CSMD1: variants seen among roughly 807,000 people sequenced by gnomAD.
The protein encoded by CSMD1 is CUB and Sushi multiple domains 1, also known as CUB and sushi domain-containing protein 1.
In CSMD1, 213 loss-of-function variants were observed where a neutral mutation model predicts 417.5. That is an observed-to-expected ratio of 0.51 (90% CI 0.46 to 0.57). The LOEUF (loss-of-function observed/expected upper bound fraction) is 0.57, where lower values mean the gene tolerates loss of function less well. Ranked by LOEUF, CSMD1 falls within the 20% of genes least tolerant of loss-of-function variation. The pLI is 0.00. For synonymous variants in CSMD1, 2,862 were observed against 1,736.8 expected (o/e 1.65, Z -16.11); for missense variants, 6,923 against 4,529.7 (o/e 1.53, Z -15.17).
chr8:4,321,106 C>G (rs1368667921), intron 3 of CSMD1, among the ~76,000 whole-genome samples: 1 of 152,088 alleles, frequency 6.6e-6, no homozygotes, highest in Non-Finnish European at 1.5e-5. Context: ...TTTGTCTAGA[C>G]TCTAGTCTAA....
At chr8:4,226,536 C>G (rs537014822) in intron 3 of CSMD1, among the ~76,000 whole-genome samples, 1 of 152,152 alleles carries the variant, frequency 6.6e-6, no homozygotes, top group East Asian at 1.9e-4. Context: ...TAGCCTTGAT[C>G]CTAAAAAATC....
At chr8:3,871,714 A>G (rs1020500124) in intron 5 of CSMD1, among the ~76,000 whole-genome samples, 6 of 152,196 alleles carry the variant, frequency 3.9e-5, no homozygotes, top group African/African-American at 1.4e-4. Context: ...GTCTCAAAAA[A>G]TTGCTTTTGA....
chr8:3,862,125 T>C (rs1383643776), intron 5 of CSMD1, among the ~76,000 whole-genome samples: 4 of 152,188 alleles, frequency 2.6e-5, no homozygotes, highest in Non-Finnish European at 4.4e-5. Context: ...CTTTTTAATC[T>C]GCCCTGCTGT....
chr8:3,681,530 A>AAC (rs1210122641), intron 7 of CSMD1, among the ~76,000 whole-genome samples: 3 of 152,204 alleles, frequency 2.0e-5, no homozygotes, highest in Non-Finnish European at 4.4e-5. Flanking sequence ...CTGCTCAATG[A>AAC]AATAAAAGAG....
intron 2 of CSMD1, among the ~76,000 whole-genome samples, chr8:4,554,422 C>G (rs1344185027): frequency 6.6e-6 from 1 of 152,186 alleles, no homozygotes; most frequent in African/African-American, 2.4e-5. Flanking sequence ...CAGGCGTGAA[C>G]AGGCCACCGC....
chr8:3,479,825 T>C (rs1471008046), intron 11 of CSMD1, among the ~76,000 whole-genome samples: 1 of 151,688 alleles, frequency 6.6e-6, no homozygotes, highest in East Asian at 1.9e-4. Flanking sequence ...CGCTTAAAAA[T>C]GCTTCAGTGA....
intron 1 of CSMD1, among the ~76,000 whole-genome samples, chr8:4,751,004 T>G (rs1299622087): frequency 6.6e-6 from 1 of 152,188 alleles, no homozygotes; most frequent in Non-Finnish European, 1.5e-5. Context: ...GTCAGACCCT[T>G]ATATGGTGGC....
At chr8:3,448,698 G>C (rs925053724) in intron 12 of CSMD1, among the ~76,000 whole-genome samples, 6 of 152,132 alleles carry the variant, frequency 3.9e-5, no homozygotes, top group Non-Finnish European at 7.4e-5. Context: ...AGGAACTGCA[G>C]CATCGAGAGT....
At chr8:3,209,000 A>G (rs1011188719) in intron 30 of CSMD1, among the ~76,000 whole-genome samples, 2 of 152,196 alleles carry the variant, frequency 1.3e-5, no homozygotes, top group Non-Finnish European at 2.9e-5. Context: ...CCCTCTAGAG[A>G]ACTCTAATAC....
At chr8:3,811,120 C>G (rs1323879726) in intron 5 of CSMD1, among the ~76,000 whole-genome samples, 6 of 152,096 alleles carry the variant, frequency 3.9e-5, no homozygotes, top group African/African-American at 1.4e-4. Context: ...TCTGTGTGTA[C>G]CTATGTCCAT....
At chr8:4,251,312 C>G (rs1673156445) in intron 3 of CSMD1, among the ~76,000 whole-genome samples, 1 of 152,072 alleles carries the variant, frequency 6.6e-6, no homozygotes, top group South Asian at 2.1e-4. Context: ...ACAAGAATGT[C>G]ATAGTATTTG....
At chr8:3,751,302 G>C (rs902305480) in intron 6 of CSMD1, among the ~76,000 whole-genome samples, 5 of 74,588 alleles carry the variant, frequency 6.7e-5, no homozygotes, top group Non-Finnish European at 9.5e-5. Context: ...CAATTGAAGT[G>C]TGTGTGTGTG....
Position 3,852,034 on chromosome 8 carries a change from C to G in CSMD1, c.819-97992G>C, listed in dbSNP as rs142666483. On this transcript the variant is annotated intron_variant, in intron 5 of 69. Transcript: ENST00000635120. ...ACCGGTGAGGACAAGTTCCCTGGAC[C>G]TGTATGAAAAATAAGAATGGTTGAG... 4.5e-3 allele frequency among the ~76,000 whole-genome samples: 690 copies of G among 152,160 alleles called. 7 individuals are homozygous for G. Among genetic ancestry groups the G allele is most frequent in the African/African-American group, 0.014 (576 of 41,502 alleles).
chr8:2,965,814 T>C lies in CSMD1; in HGVS notation c.9241A>G (p.Lys3081Glu), dbSNP rs1304181120. ...AVTSATIRCT[K>E]DGRWNPSKPV... ...TTGCTCGGATTCCACCTGCCGTCTT[T>C]GGTACAGCGAATAGTGGCGGATGTG... The change falls in exon 59 of 70, where the codon AAA becomes GAA. Residue 3081 changes from lysine to glutamate, a missense_variant. Transcript: ENST00000635120. 1 of 1,610,678 alleles carries C rather than the reference T, an allele frequency of 6.2e-7. No homozygotes were observed. Among genetic ancestry groups the C allele is most frequent in the African/African-American group, 1.3e-5 (1 of 74,896 alleles).
intron 1 of CSMD1, among the ~76,000 whole-genome samples, chr8:4,823,522 T>C (rs1013808802): frequency 1.3e-5 from 2 of 152,074 alleles, no homozygotes; most frequent in East Asian, 1.9e-4. Flanking sequence ...ATGTACCTCA[T>C]CTATACTGAA....
intron 7 of CSMD1, among the ~76,000 whole-genome samples, chr8:3,672,636 C>T (rs1045442158): frequency 1.3e-5 from 2 of 152,236 alleles, no homozygotes; most frequent in African/African-American, 2.4e-5. Flanking sequence ...CTTTTTCATC[C>T]GGTCAGAGTA....
At chr8:3,594,676 G>C (rs910572059) in intron 8 of CSMD1, among the ~76,000 whole-genome samples, 3 of 152,070 alleles carry the variant, frequency 2.0e-5, no homozygotes, top group African/African-American at 7.2e-5. Flanking sequence ...TCACTTCTGA[G>C]GCATATAACT....
chr8:3,869,626 T>G (rs530743691), intron 5 of CSMD1, among the ~76,000 whole-genome samples: 4 of 152,298 alleles, frequency 2.6e-5, no homozygotes, highest in African/African-American at 9.6e-5. Context: ...TTCTCACCGC[T>G]GAGCTAACCT....
intron 6 of CSMD1, among the ~76,000 whole-genome samples, chr8:3,731,748 G>A (rs1334500685): frequency 2.0e-5 from 3 of 152,148 alleles, no homozygotes; most frequent in African/African-American, 7.2e-5. Context: ...AGACTAAGAT[G>A]ATGAGCAATA....
Sources: allele counts gnomAD v4.1 joint callset (sites outside exome capture counted in the v4.1 genomes callset), GRCh38; gene constraint gnomAD v4.1.1; transcripts MANE v1.5; gene names NCBI Gene and HGNC (gene_info 2026-07-23, HGNC 2026-07-21).